Variants in LMNTD1 observed in about 807,000 individuals in gnomAD.
LMNTD1 encodes lamin tail domain containing 1.
Under a neutral mutation model 50.9 loss-of-function variants are expected in LMNTD1, and 35 were observed. The observed-to-expected ratio is 0.69, with a 90% CI of 0.53 to 0.91. The LOEUF (loss-of-function observed/expected upper bound fraction) is 0.91, where lower values mean the gene tolerates loss of function less well. Among genes scored for constraint, LMNTD1 ranks in the 40% least tolerant of loss-of-function variants. LMNTD1 has a pLI of 0.00. For synonymous variants in LMNTD1, 153 were observed against 161.9 expected, an observed-to-expected ratio of 0.94 and a Z score of 0.42; for missense variants, 470 against 475.5, an observed-to-expected ratio of 0.99 and a Z score of 0.11.
chr12:25,585,628 TTGTAAA>T (rs1468010162), intron 1 of LMNTD1, among the ~76,000 whole-genome samples: 1 of 152,190 alleles, frequency 6.6e-6, no homozygotes, highest in East Asian at 1.9e-4. Context: ...ATAAAATACT[TTGTAAA>T]TGTGCCAAAG....
intron 1 of LMNTD1, among the ~76,000 whole-genome samples, chr12:25,617,166 T>C (rs1592108585): frequency 6.6e-6 from 1 of 152,362 alleles, no homozygotes; most frequent in East Asian, 1.9e-4. Flanking sequence ...TTTCCCTAGC[T>C]GCTAATATTG....
chr12:25,502,784 C>G (rs937620590), intron 9 of LMNTD1: 1 of 152,124 alleles, frequency 6.6e-6, no homozygotes, highest in African/African-American at 2.4e-5. Context: ...GAGCAGTTGA[C>G]TTTCAGAAAA....
chr12:25,551,331 ACCTGT>A (rs546450996), intron 2 of LMNTD1, among the ~76,000 whole-genome samples: 80 of 152,300 alleles, frequency 5.3e-4, no homozygotes, highest in Middle Eastern at 3.4e-3. Context: ...AATCACAGAA[ACCTGT>A]CCTGGAGCTA....
intron 1 of LMNTD1, among the ~76,000 whole-genome samples, chr12:25,627,152 C>T (rs945746800): frequency 1.2e-4 from 18 of 152,176 alleles, no homozygotes; most frequent in African/African-American, 4.1e-4. Flanking sequence ...AATCTGGCAG[C>T]GTATTCTAGC....
chr12:25,490,117 A>G (rs1308565248), intron 9 of LMNTD1, among the ~76,000 whole-genome samples: 2 of 152,216 alleles, frequency 1.3e-5, no homozygotes, highest in Non-Finnish European at 2.9e-5. Flanking sequence ...TGTGTAATGT[A>G]TTCTTCTGTA....
chr12:25,503,739 T>A lies in LMNTD1; in HGVS notation c.*21A>T, dbSNP rs1387083866. 1 of 1,547,866 alleles carries A rather than the reference T, an allele frequency of 6.5e-7. No homozygotes were observed. Among genetic ancestry groups the A allele is most frequent in the Non-Finnish European group, 8.9e-7 (1 of 1,127,940 alleles). On this transcript the variant is annotated splice_region_variant and 3_prime_UTR_variant, in exon 9 of 10. Transcript: ENST00000458174. ...CAAATTTGCAATACAGTTACTTACC[T>A]TTAAAGGTTGAGTTGACTGCTTATT...
chr12:25,595,146 A>G lies in LMNTD1; in HGVS notation c.59-48592T>C, dbSNP rs779044830. Among the ~76,000 whole-genome samples, 105 of 152,260 alleles carry G rather than the reference A, an allele frequency of 6.9e-4. 1 individual carries two copies. Among genetic ancestry groups the G allele is most frequent in the African/African-American group, 2.4e-3 (100 of 41,570 alleles). Reference sequence around the variant, plus strand: ...AACACAATAATAGTGGGGGACTTCAATACTCCACTGACAGCACTAGACATC... The same window carrying G: ...AACACAATAATAGTGGGGGACTTCAGTACTCCACTGACAGCACTAGACATC... On this transcript the variant is annotated intron_variant, in intron 1 of 7. Coordinates refer to the LMNTD1 transcript ENST00000445693.
At chr12:25,528,889 T>G in intron 4 of LMNTD1, among the ~76,000 whole-genome samples, 1 of 151,780 alleles carries the variant, frequency 6.6e-6, no homozygotes, top group African/African-American at 2.4e-5. Context: ...GCTACCACCT[T>G]AAAAAAGAAA....
chr12:25,566,148 A>G (rs1944548319), intron 1 of LMNTD1, among the ~76,000 whole-genome samples: 1 of 152,112 alleles, frequency 6.6e-6, no homozygotes, highest in East Asian at 1.9e-4. Flanking sequence ...AGGTTTGGGA[A>G]GTCCTTTTTA....
intron 1 of LMNTD1, among the ~76,000 whole-genome samples, chr12:25,590,128 T>A (rs933592640): frequency 4.2e-5 from 6 of 143,264 alleles, no homozygotes; most frequent in Non-Finnish European, 9.6e-5. Context: ...GGTTCTAACT[T>A]CATATTGCCA....
chr12:25,480,928 A>G (rs1304821953), intron 9 of LMNTD1, among the ~76,000 whole-genome samples: 2 of 152,196 alleles, frequency 1.3e-5, no homozygotes, highest in Non-Finnish European at 2.9e-5. Flanking sequence ...ACTATTCCGT[A>G]AAGTCAAGAA....
At chr12:25,640,356 A>G (rs1458912316) in intron 1 of LMNTD1, among the ~76,000 whole-genome samples, 1 of 152,078 alleles carries the variant, frequency 6.6e-6, no homozygotes, top group Non-Finnish European at 1.5e-5. Context: ...CAAAAAATAC[A>G]AAAATTAGCC....
intron 1 of LMNTD1, among the ~76,000 whole-genome samples, chr12:25,630,393 G>A (rs1946690201): frequency 6.6e-6 from 1 of 152,054 alleles, no homozygotes; most frequent in South Asian, 2.1e-4. Flanking sequence ...TTAGCTCCAG[G>A]TCAACTGCAA....
At position 25,579,558 on chromosome 12, in the gene LMNTD1, C is replaced by T. The variant is rs535446517; in HGVS notation, c.59-33004G>A. Among the ~76,000 whole-genome samples, 273 of 152,220 alleles carry T rather than the reference C, an allele frequency of 1.8e-3. 1 individual carries two copies. Among genetic ancestry groups the T allele is most frequent in the African/African-American group, 6.3e-3 (263 of 41,538 alleles). On this transcript the variant is annotated intron_variant, in intron 1 of 7. Coordinates refer to the LMNTD1 transcript ENST00000445693. ...GTGCTATCAGTTATCTATAATAATACTAATTGCCTCTTTGACTTCTCTATC... is the reference window on the plus strand; with the variant it reads ...GTGCTATCAGTTATCTATAATAATATTAATTGCCTCTTTGACTTCTCTATC...
chr12:25,614,185 T>A lies in LMNTD1; in HGVS notation c.58+34309A>T, dbSNP rs77963421. Among the ~76,000 whole-genome samples, 753 of 152,254 alleles carry A rather than the reference T, an allele frequency of 4.9e-3. 9 individuals are homozygous for A. Among genetic ancestry groups the A allele is most frequent in the East Asian group, 0.041 (215 of 5,182 alleles). ...GGGTGGGGTAAGCGATGTCCTCTTTTTTTTCTGTCTATTCCTTGTTAAGCT... is the reference window on the plus strand; with the variant it reads ...GGGTGGGGTAAGCGATGTCCTCTTTATTTTCTGTCTATTCCTTGTTAAGCT... On this transcript the variant is annotated intron_variant, in intron 1 of 7. Coordinates refer to the LMNTD1 transcript ENST00000445693.
intron 1 of LMNTD1, among the ~76,000 whole-genome samples, chr12:25,559,828 A>T (rs1944217122): frequency 6.6e-6 from 1 of 152,168 alleles, no homozygotes; most frequent in Non-Finnish European, 1.5e-5. Context: ...GTGTCTGTTC[A>T]CTGCATAAAT....
Position 25,518,907 on chromosome 12 carries a change from A to C in LMNTD1, c.1077T>G (p.Tyr359Ter), listed in dbSNP as rs1565960984. ...PNRSPWCQNP[Y>*]VSAHPYCPLI... ...GAGGACAGTAAGGATGTGCAGAGAC[A>C]TAGGGATTCTGGCACCAAGGGCTGC... Residue 359 changes from tyrosine to a stop codon, truncating the protein, a stop_gained, in exon 8 of 10, where the codon TAT (tyrosine) becomes TAG (stop). Transcript: ENST00000458174. LOFTEE classifies it high-confidence loss of function. The C allele has an allele frequency of 6.2e-7, 1 of 1,614,138 alleles. No homozygotes were observed. Among genetic ancestry groups the C allele is most frequent in the Admixed American group, 1.7e-5 (1 of 60,022 alleles).
At chr12:25,640,667 T>C (rs950003361) in intron 1 of LMNTD1, among the ~76,000 whole-genome samples, 1 of 143,472 alleles carries the variant, frequency 7.0e-6, no homozygotes, top group Non-Finnish European at 1.5e-5. Flanking sequence ...AGAGGTTTTT[T>C]GTTTTTTTTT....
Position 25,518,843 on chromosome 12 carries a change from A to G in LMNTD1, c.1141T>C (p.Leu381=). 6.2e-7 allele frequency: 1 copy of G among 1,614,118 alleles called. No individual in the cohort carries two copies. The highest frequency in any genetic ancestry group is 8.5e-7 in the Non-Finnish European group (1 of 1,180,020). Residue 381 remains leucine (L), a synonymous_variant, in exon 8 of 10, where the codon TTG becomes CTG. Transcript: ENST00000458174. ...PHNTSTAGGR[L]DRQPRTRSTR... ...GACCGAGTCCTGGGCTGTCTATCCA[A>G]TCTGCCTCCAGCGGTGGATGTATTG...
Sources: gnomAD v4.1 joint callset for allele counts (sites outside exome capture counted in the v4.1 genomes callset) on GRCh38, gnomAD v4.1.1 for gene constraint, MANE v1.5 for transcripts, NCBI Gene and HGNC (gene_info 2026-07-23, HGNC 2026-07-21) for gene names.